IFT43: variants seen among roughly 807,000 people sequenced by gnomAD.
IFT43 encodes intraflagellar transport protein 43 homolog.
IFT43 carries 33 observed loss-of-function variants against 32.3 expected under a neutral mutation model. The ratio of observed to expected loss-of-function variants is 1.02; its 90% CI spans 0.77 to 1.37. The LOEUF (loss-of-function observed/expected upper bound fraction) is 1.37, where lower values mean the gene tolerates loss of function less well. Among genes scored for constraint, IFT43 ranks in the 40% most tolerant of loss-of-function variants. IFT43 has a pLI of 0.00. For missense variants in IFT43, 274 were observed against 265.9 expected (o/e 1.03, Z -0.21); for synonymous variants, 93 against 98.2 (o/e 0.95, Z 0.31).
At chr14:76,080,217 G>A (rs1469618258) in intron 5 of IFT43, among the ~76,000 whole-genome samples, 4 of 152,150 alleles carry the variant, frequency 2.6e-5, no homozygotes, top group East Asian at 3.9e-4. Flanking sequence ...GCGGTTCACC[G>A]GGTTCTGCTG....
intron 1 of IFT43, among the ~76,000 whole-genome samples, chr14:75,986,963 A>G (rs529277378): frequency 1.3e-5 from 2 of 152,322 alleles, no homozygotes; most frequent in Admixed American, 1.3e-4. Flanking sequence ...AGCAATGAAT[A>G]AAGCAAAGTT....
At chr14:75,998,566 C>A (rs575448507) in intron 2 of IFT43, among the ~76,000 whole-genome samples, 8 of 152,230 alleles carry the variant, frequency 5.3e-5, no homozygotes, top group Admixed American at 1.3e-4. Flanking sequence ...AGAGGAGAAA[C>A]CAAGCACCTA....
chr14:76,030,761 C>T (rs1378461879), intron 3 of IFT43, among the ~76,000 whole-genome samples: 1 of 152,228 alleles, frequency 6.6e-6, no homozygotes, highest in East Asian at 1.9e-4. Context: ...CAATTTAATA[C>T]ACAATTACAT....
chr14:76,080,916 G>C (rs1396650680), intron 5 of IFT43, among the ~76,000 whole-genome samples: 28 of 152,094 alleles, frequency 1.8e-4, no homozygotes. Flanking sequence ...TTATTTGGGG[G>C]GTGGTGGATG....
intron 2 of IFT43, among the ~76,000 whole-genome samples, chr14:76,010,802 C>T (rs753544935): frequency 4.6e-5 from 7 of 152,128 alleles, no homozygotes; most frequent in Admixed American, 2.6e-4. Flanking sequence ...ATTTTTATAG[C>T]GCTTTTGTTC....
chr14:76,042,821 G>A (rs1326419309), intron 3 of IFT43, among the ~76,000 whole-genome samples: 1 of 152,242 alleles, frequency 6.6e-6, no homozygotes, highest in East Asian at 1.9e-4. Flanking sequence ...AACTGCTTCT[G>A]GTTTCGGGGC....
intron 3 of IFT43, among the ~76,000 whole-genome samples, chr14:76,028,207 T>A (rs1031578566): frequency 6.6e-6 from 1 of 152,186 alleles, no homozygotes; most frequent in African/African-American, 2.4e-5. Context: ...AAAGGTTCTT[T>A]TTTTCCTTTA....
intron 1 of IFT43, 143 bp downstream of exon 1, chr14:75,985,983 C>G: frequency 6.5e-7 from 1 of 1,526,866 alleles, no homozygotes. Context: ...GCAGCCTCAC[C>G]GCCCCGCCCC....
intron 3 of IFT43, among the ~76,000 whole-genome samples, chr14:76,026,526 C>T (rs1292686632): frequency 6.7e-6 from 1 of 148,190 alleles, no homozygotes. Flanking sequence ...CCATTGCACT[C>T]CAGCCTGGGC....
At chr14:76,024,651 GTC>G (rs1441116049) in intron 3 of IFT43, among the ~76,000 whole-genome samples, 2 of 152,220 alleles carry the variant, frequency 1.3e-5, no homozygotes, top group African/African-American at 4.8e-5. Context: ...AATAAGGCAG[GTC>G]TCTCTGAGTT....
chr14:76,017,187 A>G (rs2139942269), intron 2 of IFT43, among the ~76,000 whole-genome samples: 1 of 152,276 alleles, frequency 6.6e-6, no homozygotes, highest in Middle Eastern at 3.4e-3. Flanking sequence ...GGTTTGTCGT[A>G]TGTGGCCTTT....
At chr14:76,041,453 G>A (rs1234018024) in intron 3 of IFT43, among the ~76,000 whole-genome samples, 1 of 152,190 alleles carries the variant, frequency 6.6e-6, no homozygotes, top group Non-Finnish European at 1.5e-5. Context: ...CTCATCCAAT[G>A]TCCTGTGAAA....
At chr14:76,039,194 G>A (rs1013473492) in intron 3 of IFT43, among the ~76,000 whole-genome samples, 1 of 151,592 alleles carries the variant, frequency 6.6e-6, no homozygotes, top group African/African-American at 2.4e-5. Context: ...GGGTGGGGAT[G>A]TGATCATAGT....
intron 5 of IFT43, among the ~76,000 whole-genome samples, chr14:76,081,097 A>G (rs1466766725): frequency 6.6e-6 from 1 of 152,168 alleles, no homozygotes; most frequent in Non-Finnish European, 1.5e-5. Flanking sequence ...CCACAGTCGG[A>G]AGTCATAATA....
At chr14:76,045,492 A>G (rs1038789880) in intron 3 of IFT43, among the ~76,000 whole-genome samples, 3 of 152,208 alleles carry the variant, frequency 2.0e-5, no homozygotes, top group Non-Finnish European at 2.9e-5. Flanking sequence ...TCAACAGAAA[A>G]TCCCATTAAC....
At chr14:76,033,952 G>A (rs2036553374) in intron 3 of IFT43, among the ~76,000 whole-genome samples, 2 of 152,176 alleles carry the variant, frequency 1.3e-5, no homozygotes, top group Admixed American at 1.3e-4. Flanking sequence ...AGTCAAGCTG[G>A]ATGAATTTTG....
chr14:76,075,070 T>A (rs571304130), intron 5 of IFT43, among the ~76,000 whole-genome samples: 1 of 152,322 alleles, frequency 6.6e-6, no homozygotes, highest in South Asian at 2.1e-4. Context: ...CAGGGCCTCC[T>A]CTCTCTGTCT....
chr14:75,988,606 C>T (rs772036155), intron 1 of IFT43, among the ~76,000 whole-genome samples: 2 of 152,168 alleles, frequency 1.3e-5, no homozygotes, highest in African/African-American at 2.4e-5. Context: ...GCAACCTCCG[C>T]CTCCCAGGTT....
chr14:76,024,035 G>A (rs889300696), intron 3 of IFT43, among the ~76,000 whole-genome samples: 16 of 152,234 alleles, frequency 1.1e-4, no homozygotes, highest in South Asian at 2.1e-4. Flanking sequence ...TAAAAACTAC[G>A]GGTTCAGGCT....
Sources: allele counts gnomAD v4.1 joint callset (sites outside exome capture counted in the v4.1 genomes callset), GRCh38; gene constraint gnomAD v4.1.1; transcripts MANE v1.5; gene names NCBI Gene and HGNC (gene_info 2026-07-23, HGNC 2026-07-21).